METTL15: variants seen among roughly 807,000 people sequenced by gnomAD.
METTL15 encodes the protein methyltransferase 15, mitochondrial 12S rRNA N4-cytidine, also known as 12S rRNA N(4)-cytidine methyltransferase METTL15.
METTL15 carries 34 observed loss-of-function variants against 38.3 expected under a neutral mutation model. The observed-to-expected ratio is 0.89, with a 90% CI of 0.68 to 1.18. METTL15 has a LOEUF of 1.18. METTL15 is among the 50% of genes most tolerant of loss of function. METTL15 has a pLI of 0.00. For missense variants in METTL15, 438 were observed against 498.4 expected (o/e 0.88, Z 1.15); for synonymous variants, 162 against 170.9 (o/e 0.95, Z 0.41).
intron 6 of METTL15, among the ~76,000 whole-genome samples, chr11:28,307,158 C>T (rs1407727551): frequency 6.6e-6 from 1 of 151,766 alleles, no homozygotes; most frequent in African/African-American, 2.4e-5. Context: ...TAGAATAGAT[C>T]ACCTCTGTTT....
chr11:28,151,059 C>T (rs565175246), intron 3 of METTL15, among the ~76,000 whole-genome samples: 6 of 150,804 alleles, frequency 4.0e-5, no homozygotes, highest in East Asian at 3.9e-4. Context: ...GAAAGTTTTC[C>T]GTGCTTTTTG....
chr11:28,148,746 A>G (rs576907094), intron 3 of METTL15, among the ~76,000 whole-genome samples: 11 of 151,854 alleles, frequency 7.2e-5, no homozygotes, highest in African/African-American at 2.7e-4. Flanking sequence ...TTTTATTTCA[A>G]CTTTTTCAAA....
intron 6 of METTL15, among the ~76,000 whole-genome samples, chr11:28,520,876 C>A (rs1851759245): frequency 6.6e-6 from 1 of 152,202 alleles, no homozygotes. Flanking sequence ...TGTTTTCCAA[C>A]CTCTTTCAAG....
At position 28,500,293 on chromosome 11, in the gene METTL15, C is replaced by T. The variant is rs148824502; in HGVS notation, c.*425-26185C>T. Among the ~76,000 whole-genome samples the T allele has an allele frequency of 3.9e-3, 588 of 152,290 alleles. 3 individuals are homozygous for T. Among genetic ancestry groups the T allele is most frequent in the Non-Finnish European group, 7.6e-3 (518 of 68,028 alleles). On this transcript the variant is annotated intron_variant and NMD_transcript_variant, in intron 6 of 7. Coordinates refer to the METTL15 transcript ENST00000532947. ...TGACTTCGATCAGCTTCCAATCCAA[C>T]CACTTCATTTTAAAGTTGGGGAAGA...
intron 2 of METTL15, among the ~76,000 whole-genome samples, chr11:28,112,185 G>C (rs547520853): frequency 1.3e-5 from 2 of 152,268 alleles, no homozygotes; most frequent in Non-Finnish European, 1.5e-5. Flanking sequence ...GCTTCTTGTA[G>C]TATTTTGAGA....
At chr11:28,343,243 A>T (rs1051690207) in intron 3 of METTL15, among the ~76,000 whole-genome samples, 2 of 151,916 alleles carry the variant, frequency 1.3e-5, no homozygotes, top group African/African-American at 2.4e-5. Context: ...TATAGTGAAC[A>T]TTGAACCTAT....
chr11:28,208,167 G>T (rs1299547862), intron 3 of METTL15, among the ~76,000 whole-genome samples: 2 of 152,022 alleles, frequency 1.3e-5, no homozygotes, highest in Non-Finnish European at 2.9e-5. Flanking sequence ...GAATGTGTTT[G>T]CTCTTGCTTT....
intron 4 of METTL15, among the ~76,000 whole-genome samples, chr11:28,238,696 C>T (rs919798210): frequency 9.2e-5 from 14 of 152,204 alleles, no homozygotes; most frequent in Admixed American, 1.3e-4. Context: ...CCGTCTCCTG[C>T]GTCGCTCACG....
intron 4 of METTL15, among the ~76,000 whole-genome samples, chr11:28,218,154 G>A (rs192797777): frequency 2.0e-5 from 3 of 152,218 alleles, no homozygotes; most frequent in African/African-American, 4.8e-5. Context: ...TGGATAGTGT[G>A]GCCATTTTCA....
At chr11:28,408,073 A>G (rs527714080) in intron 5 of METTL15, among the ~76,000 whole-genome samples, 66 of 152,178 alleles carry the variant, frequency 4.3e-4, no homozygotes, top group African/African-American at 1.5e-3. Context: ...ACCAAACACC[A>G]CATTTTCTCA....
intron 4 of METTL15, among the ~76,000 whole-genome samples, chr11:28,274,044 A>G (rs1855749770): frequency 6.6e-6 from 1 of 152,086 alleles, no homozygotes; most frequent in Admixed American, 6.6e-5. Context: ...AATACACAGT[A>G]TTCACAGGAA....
At chr11:28,445,966 T>C (rs1851072013) in intron 6 of METTL15, among the ~76,000 whole-genome samples, 1 of 152,144 alleles carries the variant, frequency 6.6e-6, no homozygotes. Context: ...TGTTATTTTA[T>C]ATTGTGTCCC....
intron 4 of METTL15, among the ~76,000 whole-genome samples, chr11:28,238,275 G>C (rs565231808): frequency 1.3e-5 from 2 of 152,152 alleles, no homozygotes; most frequent in South Asian, 4.1e-4. Flanking sequence ...CGAGCTTCCC[G>C]GCTGCTTTGT....
At chr11:28,232,828 C>T (rs2133885224) in intron 4 of METTL15, among the ~76,000 whole-genome samples, 2 of 152,062 alleles carry the variant, frequency 1.3e-5, no homozygotes, top group Middle Eastern at 3.4e-3. Context: ...ATCTCAACAG[C>T]TACTCCCATG....
chr11:28,158,376 T>G (rs1202441294), intron 3 of METTL15, among the ~76,000 whole-genome samples: 1 of 152,126 alleles, frequency 6.6e-6, no homozygotes, highest in Non-Finnish European at 1.5e-5. Flanking sequence ...GGATGGAGTT[T>G]ATGCATGGGC....
chr11:28,266,466 A>T (rs1855423790), intron 4 of METTL15, among the ~76,000 whole-genome samples: 1 of 152,152 alleles, frequency 6.6e-6, no homozygotes, highest in Non-Finnish European at 1.5e-5. Context: ...AGGACAAGAG[A>T]TCTTAATTTT....
chr11:28,205,129 A>C (rs904557091), intron 3 of METTL15, among the ~76,000 whole-genome samples: 4 of 151,860 alleles, frequency 2.6e-5, no homozygotes, highest in Admixed American at 6.6e-5. Context: ...ATTATACTTT[A>C]AGTTTTAGGG....
At chr11:28,111,198 C>T (rs188183341) in intron 2 of METTL15, among the ~76,000 whole-genome samples, 1 of 152,230 alleles carries the variant, frequency 6.6e-6, no homozygotes, top group East Asian at 1.9e-4. Flanking sequence ...TGTGCCTTGA[C>T]CATAGTTGAA....
intron 3 of METTL15, among the ~76,000 whole-genome samples, chr11:28,171,773 CCT>C (rs373840016): frequency 4.1e-5 from 6 of 147,866 alleles, no homozygotes; most frequent in South Asian, 2.1e-4. Context: ...CTGCCCGCCG[CCT>C]CTCTCTCTCT....
Sources: allele counts gnomAD v4.1 joint callset (sites outside exome capture counted in the v4.1 genomes callset), GRCh38; gene constraint gnomAD v4.1.1; transcripts MANE v1.5; gene names NCBI Gene and HGNC (gene_info 2026-07-23, HGNC 2026-07-21).